The following PLSCR2 variants were observed in gnomAD, a reference collection of about 807,000 sequenced individuals.
The protein encoded by PLSCR2 is PL scramblase 2.
PLSCR2 carries 18 observed loss-of-function variants against 25.3 expected under a neutral mutation model. That is an observed-to-expected ratio of 0.71 (90% CI 0.49 to 1.06). The LOEUF (loss-of-function observed/expected upper bound fraction) is 1.06. PLSCR2 is among the 50% of genes least tolerant of loss of function. The pLI, the probability that PLSCR2 is intolerant of heterozygous loss-of-function variation, is 0.00. For missense variants in PLSCR2, 243 were observed against 269.5 expected (o/e 0.90, Z 0.69); for synonymous variants, 88 against 87.3 (o/e 1.01, Z -0.04).
intron 3 of PLSCR2, among the ~76,000 whole-genome samples, chr3:146,392,304 A>G (rs2038106190): frequency 6.6e-6 from 1 of 152,148 alleles, no homozygotes; most frequent in South Asian, 2.1e-4. Flanking sequence ...TTGTACCTAT[A>G]GCTCATGAGC....
intron 1 of PLSCR2, among the ~76,000 whole-genome samples, chr3:146,492,136 G>A (rs762553140): frequency 1.1e-4 from 16 of 152,124 alleles, no homozygotes; most frequent in Middle Eastern, 3.4e-3. Flanking sequence ...TGTATGTTCC[G>A]ACCCTACTGA....
At chr3:146,457,374 C>T (rs575883895) in intron 3 of PLSCR2, among the ~76,000 whole-genome samples, 2 of 152,190 alleles carry the variant, frequency 1.3e-5, no homozygotes, top group Non-Finnish European at 2.9e-5. Flanking sequence ...TGTTCTGAAG[C>T]ATCTAGAGGC....
At position 146,483,459 on chromosome 3, in the gene PLSCR2, ATATATATATATATACATGTG is replaced by A. The variant is rs1404084504; in HGVS notation, c.-293+12416_-293+12435del. 2.1e-3 allele frequency among the ~76,000 whole-genome samples: 126 copies of A among 58,626 alleles called. 4 individuals are homozygous for A. The highest frequency in any genetic ancestry group is 6.2e-3 in the African/African-American group (80 of 12,998). 38.5% of individuals were successfully genotyped at this position (58,626 alleles called of 152,430 possible). A position where few individuals can be genotyped will look rare whatever the true frequency, so the allele number is the denominator to read the frequency against. ...TATATATATACACATGTATGTATAT[ATATATATATATATACATGTG>A]TATATATATATATATATATATATAT... On this transcript the variant is annotated intron_variant, in intron 1 of 8. Coordinates refer to the PLSCR2 transcript ENST00000336685.
Position 146,441,828 on chromosome 3 carries a change from A to G in PLSCR2, c.646-7T>C, listed in dbSNP as rs949534034. ...TTTCAAAAAACATGTAGTCCTGGAT[A>G]AAAACAAAAATACAGAAATGAATTC... On this transcript the variant is annotated splice_polypyrimidine_tract_variant and splice_region_variant and intron_variant, in intron 6 of 6. Coordinates refer to ENST00000610787, the Ensembl canonical transcript of PLSCR2. The G allele has an allele frequency of 1.3e-6, 2 of 1,570,918 alleles. No individual in the cohort carries two copies. The highest frequency in any genetic ancestry group is 8.7e-7 in the Non-Finnish European group (1 of 1,146,178).
chr3:146,482,142 A>G (rs2043152663), intron 1 of PLSCR2, among the ~76,000 whole-genome samples: 1 of 152,160 alleles, frequency 6.6e-6, no homozygotes, highest in African/African-American at 2.4e-5. Flanking sequence ...AACCTAGGCA[A>G]TACCATTCAG....
intron 4 of PLSCR2, 67 bp downstream of exon 4, chr3:146,455,172 A>G: frequency 9.8e-7 from 1 of 1,020,326 alleles, no homozygotes; most frequent in East Asian, 2.4e-5. Flanking sequence ...GATTATACAG[A>G]TTCAATAAAA....
intron 2 of PLSCR2, among the ~76,000 whole-genome samples, chr3:146,409,594 T>C (rs2038778056): frequency 6.6e-6 from 1 of 152,078 alleles, no homozygotes; most frequent in Non-Finnish European, 1.5e-5. Context: ...TCAATGACCC[T>C]TCAGGGGGCC....
intron 2 of PLSCR2, among the ~76,000 whole-genome samples, chr3:146,411,852 A>G (rs1403000623): frequency 1.3e-5 from 2 of 152,202 alleles, no homozygotes; most frequent in Admixed American, 6.5e-5. Context: ...AGGTGCAGGG[A>G]CTTTAAGACT....
chr3:146,424,808 A>C (rs906165198), intron 2 of PLSCR2, among the ~76,000 whole-genome samples: 18 of 152,010 alleles, frequency 1.2e-4, no homozygotes, highest in Non-Finnish European at 2.5e-4. Flanking sequence ...CATTTTCATT[A>C]TCAGTTTGAG....
downstream of PLSCR2, among the ~76,000 whole-genome samples, chr3:146,437,682 G>A (rs1430514728): frequency 6.6e-6 from 1 of 151,698 alleles, no homozygotes; most frequent in Non-Finnish European, 1.5e-5. Context: ...TATTAGTCTT[G>A]GTAGTCATCT....
At chr3:146,493,625 T>A (rs1447161276) in intron 1 of PLSCR2, among the ~76,000 whole-genome samples, 1 of 152,038 alleles carries the variant, frequency 6.6e-6, no homozygotes, top group Non-Finnish European at 1.5e-5. Context: ...AGTGAAAGAA[T>A]ATACCTCAAA....
At chr3:146,429,648 TG>T (rs2039474203), downstream of PLSCR2, among the ~76,000 whole-genome samples, 1 of 151,950 alleles carries the variant, frequency 6.6e-6, no homozygotes, top group African/African-American at 2.4e-5. Context: ...TTTTTTGAGA[TG>T]GAGTCTCGCT....
intron 2 of PLSCR2, among the ~76,000 whole-genome samples, chr3:146,410,917 TATGCCCG>T (rs1169347729): frequency 3.3e-5 from 5 of 152,128 alleles, no homozygotes; most frequent in Admixed American, 3.3e-4. Context: ...CAGATCAAGC[TATGCCCG>T]ATGCTGCCTT....
chr3:146,453,051 C>T (rs1325316742), intron 5 of PLSCR2, among the ~76,000 whole-genome samples: 1 of 151,810 alleles, frequency 6.6e-6, no homozygotes, highest in Non-Finnish European at 1.5e-5. Context: ...TAGAATTTCC[C>T]ATCTCTGTCA....
chr3:146,454,002 C>A, exon 5 of PLSCR2: 1 of 1,560,506 alleles, frequency 6.4e-7, no homozygotes. Flanking sequence ...CATCTCTTAC[C>A]TCAAAATCAA....
intron 5 of PLSCR2, among the ~76,000 whole-genome samples, chr3:146,452,396 C>CA (rs1016352845): frequency 2.0e-5 from 3 of 151,834 alleles, no homozygotes; most frequent in South Asian, 2.1e-4. Context: ...AATATAAATG[C>CA]AAAAAATGCA....
intron 2 of PLSCR2, among the ~76,000 whole-genome samples, chr3:146,402,669 C>T (rs1224171092): frequency 6.6e-6 from 1 of 152,036 alleles, no homozygotes; most frequent in African/African-American, 2.4e-5. Flanking sequence ...GTGATTGCAC[C>T]ATATTGGCCA....
chr3:146,434,312 A>C (rs2039693558), intron 8 of PLSCR2, among the ~76,000 whole-genome samples: 1 of 152,200 alleles, frequency 6.6e-6, no homozygotes, highest in South Asian at 2.1e-4. Flanking sequence ...ATGAAGGATA[A>C]TTTGAACAGG....
intron 1 of PLSCR2, chr3:146,494,445 AT>A (rs2043674616): frequency 1.3e-5 from 2 of 152,142 alleles, no homozygotes; most frequent in African/African-American, 4.8e-5. Context: ...TATACAGTGC[AT>A]ATGTGTATAT....
Sources: allele counts gnomAD v4.1 joint callset (sites outside exome capture counted in the v4.1 genomes callset), GRCh38; gene constraint gnomAD v4.1.1; transcripts MANE v1.5; gene names NCBI Gene and HGNC (gene_info 2026-07-23, HGNC 2026-07-21).